Variants in FOXP2 observed in about 807,000 individuals in gnomAD.
FOXP2 encodes forkhead box protein P2.
FOXP2 carries 12 observed loss-of-function variants against 115.8 expected under a neutral mutation model. The observed-to-expected ratio is 0.10, with a 90% confidence interval of 0.07 to 0.17. The LOEUF is 0.17. Ranked by LOEUF, FOXP2 falls within the 10% of genes least tolerant of loss-of-function variation. The pLI is 1.00. For missense variants in FOXP2, 629 were observed against 843.5 expected, an observed-to-expected ratio of 0.75 and a Z score of 3.15; for synonymous variants, 328 against 297.7, an observed-to-expected ratio of 1.10 and a Z score of -1.05.
chr7:114,674,356 C>G lies in FOXP2; in HGVS notation c.2003+9920C>G, dbSNP rs72603573. 0.033 allele frequency among the ~76,000 whole-genome samples: 5,061 copies of G among 152,242 alleles called. 423 individuals carry two copies. In the East Asian group the frequency reaches 0.34, roughly 10 times the overall value. On this transcript the variant is annotated intron_variant, in intron 16 of 16. Transcript: ENST00000350908. ...ATACAGTTAATATGGAATGCAGAAT[C>G]ATTTGTTCACTCCAATTTTTGAATC...
intron 2 of FOXP2, among the ~76,000 whole-genome samples, chr7:114,392,482 T>A (rs1294958328): frequency 1.3e-5 from 2 of 152,196 alleles, no homozygotes. Context: ...AGTGGAATGA[T>A]CTTTTGGAAT....
chr7:114,565,361 G>A (rs1236197588), intron 3 of FOXP2, among the ~76,000 whole-genome samples: 3 of 151,996 alleles, frequency 2.0e-5, no homozygotes, highest in East Asian at 1.9e-4. Flanking sequence ...AGTGAATAAT[G>A]GACTAAAAGA....
At chr7:114,469,757 A>G (rs1423035040) in intron 2 of FOXP2, among the ~76,000 whole-genome samples, 1 of 152,176 alleles carries the variant, frequency 6.6e-6, no homozygotes, top group Admixed American at 6.5e-5. Context: ...AAAGGAAAAT[A>G]TTTTAGATCT....
At chr7:114,445,801 T>C (rs1794809189) in intron 2 of FOXP2, among the ~76,000 whole-genome samples, 1 of 152,154 alleles carries the variant, frequency 6.6e-6, no homozygotes, top group African/African-American at 2.4e-5. Context: ...TATATAGTAA[T>C]TCTCAAATAG....
chr7:114,407,983 T>A (rs1327010190), intron 2 of FOXP2, among the ~76,000 whole-genome samples: 1 of 152,190 alleles, frequency 6.6e-6, no homozygotes, highest in African/African-American at 2.4e-5. Flanking sequence ...ATATACAAAA[T>A]ATTTTAATTA....
chr7:114,601,344 A>G (rs1203209211), intron 3 of FOXP2, among the ~76,000 whole-genome samples: 5 of 152,156 alleles, frequency 3.3e-5, no homozygotes, highest in African/African-American at 1.2e-4. Context: ...TAAATGGATC[A>G]GCCTTTTTGA....
chr7:114,483,369 T>C (rs1005192975), intron 2 of FOXP2, among the ~76,000 whole-genome samples: 13 of 151,694 alleles, frequency 8.6e-5, no homozygotes, highest in Admixed American at 7.2e-4. Context: ...ACTTATACTA[T>C]CATAACATTA....
intron 2 of FOXP2, among the ~76,000 whole-genome samples, chr7:114,520,941 C>T (rs1452020486): frequency 6.6e-6 from 1 of 151,952 alleles, no homozygotes; most frequent in Non-Finnish European, 1.5e-5. Context: ...AATTACAAGG[C>T]TGTCTTATAA....
chr7:114,410,356 A>G (rs1427474155), upstream of FOXP2, among the ~76,000 whole-genome samples: 1 of 152,102 alleles, frequency 6.6e-6, no homozygotes, highest in Non-Finnish European at 1.5e-5. Context: ...AAAGTTTATT[A>G]GGGAAACATT....
chr7:114,157,917 T>G (rs943214302), intron 1 of FOXP2, among the ~76,000 whole-genome samples: 2 of 152,098 alleles, frequency 1.3e-5, no homozygotes, highest in Non-Finnish European at 2.9e-5. Context: ...GAAGAGAGAC[T>G]GCTTTTAAGA....
chr7:114,324,547 T>C (rs1357283592), intron 2 of FOXP2, among the ~76,000 whole-genome samples: 1 of 151,918 alleles, frequency 6.6e-6, no homozygotes, highest in Non-Finnish European at 1.5e-5. Flanking sequence ...CAGATACAGT[T>C]TTCCATTCTT....
intron 2 of FOXP2, among the ~76,000 whole-genome samples, chr7:114,310,510 CTTTTT>C (rs529016127): frequency 7.0e-6 from 1 of 143,844 alleles, no homozygotes; most frequent in East Asian, 2.0e-4. Context: ...GATTAGCTGT[CTTTTT>C]TTTTTTTTTA....
intron 3 of FOXP2, among the ~76,000 whole-genome samples, chr7:114,567,079 A>G (rs1345371090): frequency 6.6e-6 from 1 of 152,086 alleles, no homozygotes; most frequent in African/African-American, 2.4e-5. Flanking sequence ...ATGTATCATG[A>G]AGTCTACTGA....
chr7:114,606,440 C>T (rs1379832406), intron 3 of FOXP2, among the ~76,000 whole-genome samples: 1 of 152,174 alleles, frequency 6.6e-6, no homozygotes, highest in Non-Finnish European at 1.5e-5. Flanking sequence ...AAACTCTAAA[C>T]ATTTAGTGAA....
At position 114,693,443 on chromosome 7, in the gene FOXP2, T is replaced by A; in HGVS notation, c.*3517T>A. 2.2e-6 allele frequency: 1 copy of A among 453,362 alleles called. No homozygotes were observed. The highest frequency in any genetic ancestry group is 4.4e-6 in the Non-Finnish European group (1 of 226,450). The allele number at this position is 453,362 out of a possible 1,614,324, so 28.1% of individuals were successfully genotyped here. A position where few individuals can be genotyped will look rare whatever the true frequency, so the allele number is the denominator to read the frequency against. On this transcript the variant is annotated 3_prime_UTR_variant, in exon 17 of 17. Transcript: ENST00000350908. The stretch of plus-strand genomic sequence containing the variant: ...AGTTTTCAAGTTGGACATTTACATT[T>A]TTGAGAATTTTGAGACTTCATCTTA...
At position 114,691,321 on chromosome 7, in the gene FOXP2, T is replaced by C; in HGVS notation, c.*1395T>C. ...TAAAAGGTCTAGTAAAGCCAAAAATTAATTTCATATTGATTTTAAAGTGAT... is the reference window on the plus strand; with the variant it reads ...TAAAAGGTCTAGTAAAGCCAAAAATCAATTTCATATTGATTTTAAAGTGAT... On this transcript the variant is annotated 3_prime_UTR_variant, in exon 17 of 17. Coordinates refer to ENST00000350908, the MANE Select transcript of FOXP2 (RefSeq NM_014491.4). The C allele has an allele frequency of 2.2e-6, 1 of 452,988 alleles. No homozygotes were observed. Among genetic ancestry groups the C allele is most frequent in the Non-Finnish European group, 4.4e-6 (1 of 226,450 alleles). 28.1% of individuals were successfully genotyped at this position (452,988 alleles called of 1,614,324 possible).
At chr7:114,181,293 T>TATAA (rs1554427214) in intron 1 of FOXP2, among the ~76,000 whole-genome samples, 4 of 149,896 alleles carry the variant, frequency 2.7e-5, no homozygotes, top group Non-Finnish European at 3.0e-5. Flanking sequence ...TATATATATA[T>TATAA]AAAATGAAGG....
At chr7:114,650,633 C>T (rs1806196709) in intron 8 of FOXP2, among the ~76,000 whole-genome samples, 1 of 152,022 alleles carries the variant, frequency 6.6e-6, no homozygotes, top group South Asian at 2.1e-4. Flanking sequence ...CTCTCACATT[C>T]CATACCTCCT....
intron 2 of FOXP2, among the ~76,000 whole-genome samples, chr7:114,301,092 A>G (rs1222365689): frequency 6.6e-6 from 1 of 152,056 alleles, no homozygotes; most frequent in Non-Finnish European, 1.5e-5. Context: ...TATATTCCCT[A>G]TCTTAACGAA....
Sources: allele counts gnomAD v4.1 joint callset (sites outside exome capture counted in the v4.1 genomes callset), GRCh38; gene constraint gnomAD v4.1.1; transcripts MANE v1.5; gene names NCBI Gene and HGNC (gene_info 2026-07-23, HGNC 2026-07-21).